Variants in MAGI2 observed in about 807,000 individuals in gnomAD.
MAGI2 encodes the protein membrane associated guanylate kinase, WW and PDZ domain containing 2.
A neutral mutation model predicts 133.3 loss-of-function variants in MAGI2; 35 were observed. The observed-to-expected ratio is 0.26, with a 90% CI of 0.20 to 0.35. The LOEUF (loss-of-function observed/expected upper bound fraction) is 0.35, where lower values mean the gene tolerates loss of function less well. Ranked by LOEUF, MAGI2 falls within the 10% of genes least tolerant of loss-of-function variation. MAGI2 has a pLI of 1.00. For missense variants in MAGI2, 1,636 were observed against 1,863.4 expected (o/e 0.88, Z 2.25); for synonymous variants, 729 against 710.6 (o/e 1.03, Z -0.41).
At chr7:78,338,644 T>C (rs983149461) in intron 9 of MAGI2, among the ~76,000 whole-genome samples, 1 of 152,196 alleles carries the variant, frequency 6.6e-6, no homozygotes, top group African/African-American at 2.4e-5. Context: ...AGCCATTCCC[T>C]CTATTATAAC....
intron 2 of MAGI2, among the ~76,000 whole-genome samples, chr7:78,840,999 C>T (rs890774369): frequency 6.6e-6 from 1 of 152,016 alleles, no homozygotes; most frequent in African/African-American, 2.4e-5. Flanking sequence ...ATTTCTCCTA[C>T]ATTTTCAACT....
chr7:78,338,325 C>A (rs547439198), intron 9 of MAGI2, among the ~76,000 whole-genome samples: 3 of 152,324 alleles, frequency 2.0e-5, no homozygotes, highest in African/African-American at 7.2e-5. Context: ...TTCCCATGAT[C>A]TTCCTCACTT....
intron 2 of MAGI2, among the ~76,000 whole-genome samples, chr7:78,908,861 T>C (rs1798171806): frequency 1.3e-5 from 2 of 151,808 alleles, no homozygotes; most frequent in Non-Finnish European, 2.9e-5. Flanking sequence ...AAGAAAAAAA[T>C]AGAAGAAAAC....
At chr7:79,245,327 T>C (rs532367872) in intron 1 of MAGI2, among the ~76,000 whole-genome samples, 1 of 152,326 alleles carries the variant, frequency 6.6e-6, no homozygotes, top group South Asian at 2.1e-4. Flanking sequence ...GGTGGACTCA[T>C]AGGGTCTCCA....
intron 5 of MAGI2, among the ~76,000 whole-genome samples, chr7:78,493,397 T>A (rs943293780): frequency 5.3e-5 from 8 of 152,224 alleles, no homozygotes; most frequent in African/African-American, 1.9e-4. Context: ...CACTATCCCG[T>A]GTCATTTCTC....
intron 1 of MAGI2, among the ~76,000 whole-genome samples, chr7:79,158,027 A>C (rs1823985936): frequency 6.6e-6 from 1 of 151,398 alleles, no homozygotes; most frequent in African/African-American, 2.4e-5. Flanking sequence ...ATTGGCAGTT[A>C]AATTGGTTTT....
intron 1 of MAGI2, among the ~76,000 whole-genome samples, chr7:79,355,577 T>C (rs1286396603): frequency 6.6e-6 from 1 of 152,300 alleles, no homozygotes; most frequent in South Asian, 2.1e-4. Flanking sequence ...GTCAACTCAA[T>C]GGAGAGACGT....
At chr7:79,019,417 G>A (rs1237074882) in intron 1 of MAGI2, among the ~76,000 whole-genome samples, 1 of 152,164 alleles carries the variant, frequency 6.6e-6, no homozygotes, top group African/African-American at 2.4e-5. Flanking sequence ...GCCACCCTGT[G>A]AAGAGGTGCC....
At chr7:79,243,560 G>A (rs1383225730) in intron 1 of MAGI2, among the ~76,000 whole-genome samples, 1 of 152,136 alleles carries the variant, frequency 6.6e-6, no homozygotes, top group Non-Finnish European at 1.5e-5. Flanking sequence ...CCAGGGAAAT[G>A]AGTTCAAACT....
intron 14 of MAGI2, among the ~76,000 whole-genome samples, chr7:78,175,728 G>A (rs13239612): frequency 0.16 from 23,875 of 152,160 alleles, 2,051 homozygotes; most frequent in Middle Eastern, 0.29. Flanking sequence ...CTTGGGCAGA[G>A]GTGGCAGTCT....
chr7:78,910,600 T>A (rs944089070), intron 2 of MAGI2, among the ~76,000 whole-genome samples: 1 of 152,200 alleles, frequency 6.6e-6, no homozygotes, highest in Admixed American at 6.5e-5. Context: ...GGTGCTTTTC[T>A]CTTGCCCAAG....
intron 2 of MAGI2, among the ~76,000 whole-genome samples, chr7:78,802,170 T>C (rs918887766): frequency 1.3e-5 from 2 of 152,190 alleles, no homozygotes; most frequent in East Asian, 3.9e-4. Context: ...CTTCTTCAAA[T>C]AGATTTTCCT....
intron 2 of MAGI2, among the ~76,000 whole-genome samples, chr7:78,736,378 T>C (rs1036601157): frequency 6.6e-6 from 1 of 152,218 alleles, no homozygotes; most frequent in African/African-American, 2.4e-5. Flanking sequence ...CTGGCTTTGT[T>C]CAGAGGTTAA....
At chr7:79,337,318 T>G (rs746449227) in intron 1 of MAGI2, among the ~76,000 whole-genome samples, 9 of 152,206 alleles carry the variant, frequency 5.9e-5, no homozygotes, top group Non-Finnish European at 1.3e-4. Flanking sequence ...TGAAATTCAT[T>G]GTGAATTCTA....
chr7:78,426,626 A>T (rs1317602939), intron 6 of MAGI2, among the ~76,000 whole-genome samples: 6 of 103,646 alleles, frequency 5.8e-5, no homozygotes, highest in Admixed American at 3.5e-4. Flanking sequence ...TAAATTAATT[A>T]AAAAAAAAGA....
chr7:79,051,557 T>C (rs937424026), intron 1 of MAGI2, among the ~76,000 whole-genome samples: 3 of 152,198 alleles, frequency 2.0e-5, no homozygotes, highest in Non-Finnish European at 2.9e-5. Flanking sequence ...AAATCTCTTA[T>C]TGCACATGTC....
intron 2 of MAGI2, among the ~76,000 whole-genome samples, chr7:78,918,926 T>C (rs1297071602): frequency 6.6e-6 from 1 of 152,136 alleles, no homozygotes; most frequent in Non-Finnish European, 1.5e-5. Flanking sequence ...AATAGAACTA[T>C]TTCAATTCGG....
Position 78,120,091 on chromosome 7 carries a change from C to A in MAGI2, c.3567+5603G>T, listed in dbSNP as rs558926002. Among the ~76,000 whole-genome samples, 12 of 152,246 alleles carry A rather than the reference C, an allele frequency of 7.9e-5. No homozygotes were observed. The East Asian group carries it at 1.7e-3, about 22-fold the overall frequency. The stretch of plus-strand genomic sequence containing the variant: ...GATTTCAAGCAATTCCAATAAAATT[C>A]TAACAGGATTTTTTAGAAACTTGAC... On this transcript the variant is annotated intron_variant, in intron 20 of 21. Coordinates refer to ENST00000354212, the MANE Select transcript of MAGI2 (RefSeq NM_012301.4).
chr7:78,222,907 G>C (rs1021439023), intron 10 of MAGI2, among the ~76,000 whole-genome samples: 1 of 152,044 alleles, frequency 6.6e-6, no homozygotes, highest in Non-Finnish European at 1.5e-5. Context: ...GTAATGAAAA[G>C]CAAAAATCAA....
Sources: gnomAD v4.1 joint callset for allele counts (sites outside exome capture counted in the v4.1 genomes callset) on GRCh38, gnomAD v4.1.1 for gene constraint, MANE v1.5 for transcripts, NCBI Gene and HGNC (gene_info 2026-07-23, HGNC 2026-07-21) for gene names.